Variants in CRIP2 observed in about 807,000 individuals in gnomAD.
CRIP2 encodes the protein cysteine-rich protein 2.
In CRIP2, 31 loss-of-function variants were observed where a neutral mutation model predicts 31.3. The ratio of observed to expected loss-of-function variants is 0.99; its 90% confidence interval spans 0.74 to 1.34. The LOEUF (loss-of-function observed/expected upper bound fraction) is 1.34. Among genes scored for constraint, CRIP2 ranks in the 40% most tolerant of loss-of-function variants. The pLI is 0.00. For synonymous variants in CRIP2, 177 were observed against 127.2 expected, an observed-to-expected ratio of 1.39 and a Z score of -2.63; for missense variants, 389 against 301.6, an observed-to-expected ratio of 1.29 and a Z score of -2.15.
chr14:105,474,582 G>A (rs1297673624), upstream of CRIP2: 3 of 160,748 alleles, frequency 1.9e-5, no homozygotes, highest in Non-Finnish European at 3.9e-5. The surrounding 1 kb of genome is among the most constrained non-coding windows in gnomAD (Gnocchi z 5.1). Flanking sequence ...GGGCGGCGCC[G>A]CGGTCGCCCG....
Position 105,475,245 on chromosome 14 carries a change from G to A in CRIP2, c.43+340G>A, listed in dbSNP as rs587769608. On this transcript the variant is annotated intron_variant, in intron 1 of 7. Coordinates refer to ENST00000329146, the MANE Select transcript of CRIP2 (RefSeq NM_001312.4). ...ATCCCGGTTCCTCGGACGGCGCCGG[G>A]CGGGGCGGGGCAGGGCGTGGCTGTA... 30 of 248,542 alleles carry A rather than the reference G, an allele frequency of 1.2e-4. No individual in the cohort carries two copies. The East Asian group carries it at 2.1e-3, about 17-fold the overall frequency. The allele number at this position is 248,542 out of a possible 1,614,324, so 15.4% of individuals were successfully genotyped here.
upstream of CRIP2, chr14:105,473,090 GC>G: frequency 2.3e-6 from 2 of 881,584 alleles, no homozygotes; most frequent in Non-Finnish European, 3.4e-6. Flanking sequence ...TAATGGCTTA[GC>G]CCCAGGCTCC....
chr14:105,474,952 T>C lies in CRIP2; in HGVS notation c.43+47T>C, dbSNP rs1555435437. On this transcript the variant is annotated intron_variant, in intron 1 of 7. Coordinates refer to ENST00000329146, the MANE Select transcript of CRIP2 (RefSeq NM_001312.4). This position sits in a 1 kb window ranked among gnomAD's most constrained non-coding sequence, Gnocchi z 5.1. ...GCCCGCTCGGTGCATCCCGCCGCCC[T>C]TCGCGGCCAGTCCCGCGCCGCAGAG... 6.8e-7 allele frequency: 1 copy of C among 1,467,194 alleles called. No homozygotes were observed. Among genetic ancestry groups the C allele is most frequent in the Non-Finnish European group, 9.0e-7 (1 of 1,105,514 alleles). 90.9% of individuals were successfully genotyped at this position (1,467,194 alleles called of 1,614,324 possible).
In CRIP2 at chr14:105,474,824, G is replaced by A; in HGVS notation, c.-39G>A. 1 of 1,406,798 alleles carries A rather than the reference G, an allele frequency of 7.1e-7. No homozygotes were observed. Among genetic ancestry groups the A allele is most frequent in the South Asian group, 1.5e-5 (1 of 68,294 alleles). 87.1% of individuals were successfully genotyped at this position (1,406,798 alleles called of 1,614,324 possible). On this transcript the variant is annotated 5_prime_UTR_variant, in exon 1 of 8. Coordinates refer to ENST00000329146, the MANE Select transcript of CRIP2 (RefSeq NM_001312.4). The surrounding 1 kb of genome is among the most constrained non-coding windows in gnomAD (Gnocchi z 5.1). The stretch of plus-strand genomic sequence containing the variant: ...GCGCGGGCGGCGGCGGCCCGGAGGA[G>A]AACGGGCGGAGGGCGCGGGCCGACC...
At chr14:105,475,905 T>C (rs587657999) in intron 1 of CRIP2, 1 of 985,524 alleles carries the variant, frequency 1.0e-6, no homozygotes, top group East Asian at 1.1e-4. Flanking sequence ...CCTGCCCTGG[T>C]CGCCCCATAC....
Position 105,478,198 on chromosome 14 carries a change from C to T in CRIP2, c.44-68C>T. The T allele has an allele frequency of 3.9e-6, 5 of 1,286,570 alleles. No individual in the cohort carries two copies. The highest frequency in any genetic ancestry group is 4.1e-6 in the Non-Finnish European group (4 of 970,776). The allele number at this position is 1,286,570 out of a possible 1,614,324, so 79.7% of individuals were successfully genotyped here. ...CCGGAGCGCGTGGGGGTGGTGGCTG[C>T]CAGGTGGGGGCGGAGGGGGTGCGGG... On this transcript the variant is annotated intron_variant, in intron 1 of 7. Coordinates refer to ENST00000329146, the MANE Select transcript of CRIP2 (RefSeq NM_001312.4). This position sits in a 1 kb window ranked among gnomAD's most constrained non-coding sequence, Gnocchi z 4.9.
rs782615674 is a variant in CRIP2, at chr14:105,479,083, G to T, written c.406+36G>T. ...GCCCGGGCCCCGGACCCCCGCCCCCGCCCCCGCCCCGGGGCTCGGCCTCAC... is the reference window on the plus strand; with the variant it reads ...GCCCGGGCCCCGGACCCCCGCCCCCTCCCCCGCCCCGGGGCTCGGCCTCAC... On this transcript the variant is annotated intron_variant, in intron 5 of 7. Coordinates refer to ENST00000329146, the MANE Select transcript of CRIP2 (RefSeq NM_001312.4). 1.6e-5 allele frequency: 19 copies of T among 1,203,474 alleles called. 1 individual carries two copies. The South Asian group carries it at 2.2e-4, about 14-fold the overall frequency. 74.5% of individuals were successfully genotyped at this position (1,203,474 alleles called of 1,614,324 possible). A position where few individuals can be genotyped will look rare whatever the true frequency, so the allele number is the denominator to read the frequency against.
At position 105,479,786 on chromosome 14, in the gene CRIP2, G is replaced by A. The variant is rs1567065115; in HGVS notation, c.*133G>A. The A allele has an allele frequency of 4.3e-6, 4 of 927,496 alleles. No homozygotes were observed. Among genetic ancestry groups the A allele is most frequent in the Non-Finnish European group, 6.6e-6 (4 of 609,512 alleles). The allele number at this position is 927,496 out of a possible 1,614,324, so 57.5% of individuals were successfully genotyped here. ...GCCCAGGGCGAGTATTGGAGGAGGG[G>A]CAGCCACGGGCAGAGCACCATGCCC... On this transcript the variant is annotated 3_prime_UTR_variant, in exon 8 of 8. Transcript: ENST00000329146.
chr14:105,478,806 T>A lies in CRIP2; in HGVS notation c.272T>A (p.Ile91Asn). 7.0e-7 allele frequency: 1 copy of A among 1,428,574 alleles called. No individual in the cohort carries two copies. Among genetic ancestry groups the A allele is most frequent in the South Asian group, 1.5e-5 (1 of 66,960 alleles). 88.5% of individuals were successfully genotyped at this position (1,428,574 alleles called of 1,614,324 possible). A position where few individuals can be genotyped will look rare whatever the true frequency, so the allele number is the denominator to read the frequency against. The change falls in exon 4 of 8, where the codon ATC (isoleucine) becomes AAC (asparagine). Residue 91 changes from isoleucine to asparagine, a missense_variant. Physicochemically the swap from Ile to Asn is moderately radical, Grantham distance 149. Transcript: ENST00000329146. The surrounding 1 kb of genome is among the most constrained non-coding windows in gnomAD (Gnocchi z 4.9). Reference sequence around the variant, plus strand: ...GAGGGGCCGCAGGTCACCGGCCCCATCGAGGTCCCCGCGGCCCGAGCAGAG... The same window carrying A: ...GAGGGGCCGCAGGTCACCGGCCCCAACGAGGTCCCCGCGGCCCGAGCAGAG... ...LAEGPQVTGP[I>N]EVPAARAEER...
intron 6 of CRIP2, 85 bp downstream of exon 6, chr14:105,479,304 G>T: frequency 6.6e-7 from 1 of 1,505,940 alleles, no homozygotes; most frequent in East Asian, 2.3e-5. Context: ...TAGAGGGGAT[G>T]GGGGGTGGTG....
At chr14:105,473,301 G>C (rs1377662838), upstream of CRIP2, 2 of 1,532,372 alleles carry the variant, frequency 1.3e-6, no homozygotes, top group Non-Finnish European at 1.7e-6. Context: ...GTGCAGAGGG[G>C]GAGCTGGTCA....
chr14:105,474,881 A>C lies in CRIP2; in HGVS notation c.19A>C (p.Lys7Gln). The change falls in exon 1 of 8, where the codon AAG (lysine) becomes CAG (glutamine). Residue 7 changes from lysine (K) to glutamine (Q), a missense_variant. Coordinates refer to ENST00000329146, the MANE Select transcript of CRIP2 (RefSeq NM_001312.4). This position sits in a 1 kb window ranked among gnomAD's most constrained non-coding sequence, Gnocchi z 5.1. The part of the protein sequence containing the change: MASKCP[K>Q]CDKTVYFAEK... ...ACCGACCATGGCCTCCAAATGCCCCAAGTGCGACAAGACCGTGTACTTCGG... is the reference window on the plus strand; with the variant it reads ...ACCGACCATGGCCTCCAAATGCCCCCAGTGCGACAAGACCGTGTACTTCGG... 7.2e-6 allele frequency: 11 copies of C among 1,517,892 alleles called. No individual in the cohort carries two copies. Among genetic ancestry groups the C allele is most frequent in the Non-Finnish European group, 8.8e-6 (10 of 1,132,776 alleles). 94.0% of individuals were successfully genotyped at this position (1,517,892 alleles called of 1,614,324 possible). A position where few individuals can be genotyped will look rare whatever the true frequency, so the allele number is the denominator to read the frequency against.
Position 105,479,633 on chromosome 14 carries a change from G to A in CRIP2, c.607G>A (p.Glu203Lys), listed in dbSNP as rs782586339. The change falls in exon 8 of 8, where the codon GAA (glutamate) becomes AAA (lysine). Residue 203 changes from glutamate to lysine, a missense_variant. Coordinates refer to ENST00000329146, the MANE Select transcript of CRIP2 (RefSeq NM_001312.4). ...VGSYIYDRDP[E>K]GKVQP The stretch of plus-strand genomic sequence containing the variant: ...CAGCTACATCTATGACCGGGACCCC[G>A]AAGGCAAGGTCCAGCCCTAGGCTAC... 74 of 1,612,436 alleles carry A rather than the reference G, an allele frequency of 4.6e-5. No individual in the cohort carries two copies. Among genetic ancestry groups the A allele is most frequent in the Admixed American group, 3.0e-4 (18 of 59,958 alleles).
intron 1 of CRIP2, chr14:105,476,853 G>A: frequency 7.3e-6 from 6 of 822,944 alleles, no homozygotes; most frequent in Non-Finnish European, 8.8e-6. Context: ...TGCCCAGAGG[G>A]TTGTACCAGG....
upstream of CRIP2, chr14:105,473,296 G>C: frequency 6.5e-7 from 1 of 1,532,966 alleles, no homozygotes; most frequent in South Asian, 1.2e-5. Flanking sequence ...CCCAAGTGCA[G>C]AGGGGGAGCT....
intron 1 of CRIP2, 105 bp downstream of exon 1, chr14:105,475,010 GC>G: frequency 8.1e-7 from 1 of 1,241,312 alleles, no homozygotes; most frequent in Non-Finnish European, 1.0e-6. Context: ...CCCGGCCCCG[GC>G]CCCGGACCGA....
At chr14:105,479,301 G>A (rs887084802) in intron 6 of CRIP2, 82 bp downstream of exon 6, 10 of 1,510,406 alleles carry the variant, frequency 6.6e-6, no homozygotes, top group Non-Finnish European at 9.0e-6. Flanking sequence ...GCCTAGAGGG[G>A]ATGGGGGGTG....
rs1428998981 is a variant in CRIP2 at position 105,478,615 on chromosome 14, C to T, written c.196+108C>T. ...GCCGCCGTGGATCCCCGCCCAGAGTCCCTGCCACCCTGGAAAGCCTAGTGC... is the reference window on the plus strand; with the variant it reads ...GCCGCCGTGGATCCCCGCCCAGAGTTCCTGCCACCCTGGAAAGCCTAGTGC... On this transcript the variant is annotated intron_variant, in intron 3 of 7. Coordinates refer to ENST00000329146, the MANE Select transcript of CRIP2 (RefSeq NM_001312.4). This position sits in a 1 kb window ranked among gnomAD's most constrained non-coding sequence, Gnocchi z 4.9. 10 of 1,507,432 alleles carry T rather than the reference C, an allele frequency of 6.6e-6. No homozygotes were observed. The highest frequency in any genetic ancestry group is 8.9e-6 in the Non-Finnish European group (10 of 1,124,052). The allele number at this position is 1,507,432 out of a possible 1,614,324, so 93.4% of individuals were successfully genotyped here. A position where few individuals can be genotyped will look rare whatever the true frequency, so the allele number is the denominator to read the frequency against.
At chr14:105,476,140 T>C (rs2083928446) in intron 1 of CRIP2, 5 of 985,466 alleles carry the variant, frequency 5.1e-6, no homozygotes, top group Non-Finnish European at 4.8e-6. Context: ...TCTGTAAGGC[T>C]TAGGGTGGGA....
Sources: allele counts gnomAD v4.1 joint callset, GRCh38; gene constraint gnomAD v4.1.1; non-coding constraint Gnocchi (gnomAD v3.1); transcripts MANE v1.5; gene names NCBI Gene and HGNC (gene_info 2026-07-23, HGNC 2026-07-21).